The following PTPRD variants were observed in gnomAD, a reference collection of about 807,000 sequenced individuals.
The protein encoded by PTPRD is protein tyrosine phosphatase receptor type D.
In PTPRD, 34 loss-of-function variants were observed where a neutral mutation model predicts 214.5. The ratio of observed to expected loss-of-function variants is 0.16; its 90% CI spans 0.12 to 0.21. The LOEUF (loss-of-function observed/expected upper bound fraction) is 0.21. PTPRD is among the 10% of genes least tolerant of loss of function. The pLI, the probability that PTPRD is intolerant of heterozygous loss-of-function variation, is 1.00. For synonymous variants in PTPRD, 1,128 were observed against 845.7 expected (o/e 1.33, Z -5.79); for missense variants, 2,545 against 2,398.7 (o/e 1.06, Z -1.27).
intron 8 of PTPRD, among the ~76,000 whole-genome samples, chr9:9,504,380 G>T (rs922257886): frequency 6.6e-6 from 1 of 151,532 alleles, no homozygotes; most frequent in Non-Finnish European, 1.5e-5. Context: ...AATTCTTATG[G>T]CTTATGATGA....
At chr9:9,029,940 G>A (rs2099599204) in intron 10 of PTPRD, among the ~76,000 whole-genome samples, 1 of 151,968 alleles carries the variant, frequency 6.6e-6, no homozygotes, top group African/African-American at 2.4e-5. Context: ...GATTTCAGGT[G>A]GTGACTCAAT....
intron 22 of PTPRD, among the ~76,000 whole-genome samples, chr9:8,505,994 T>C (rs1323069612): frequency 2.0e-5 from 3 of 152,232 alleles, no homozygotes; most frequent in African/African-American, 4.8e-5. Context: ...ATTTCAACTA[T>C]ATAACTTTTT....
intron 9 of PTPRD, among the ~76,000 whole-genome samples, chr9:9,205,251 T>G (rs544331214): frequency 6.6e-6 from 1 of 152,314 alleles, no homozygotes; most frequent in South Asian, 2.1e-4. Context: ...GTTGAAACAT[T>G]AAGTAAACAC....
intron 2 of PTPRD, among the ~76,000 whole-genome samples, chr9:10,431,936 T>C (rs2098683347): frequency 6.6e-6 from 1 of 152,026 alleles, no homozygotes; most frequent in Non-Finnish European, 1.5e-5. Flanking sequence ...CATTACTGGG[T>C]ATATACCCAA....
intron 3 of PTPRD, among the ~76,000 whole-genome samples, chr9:10,246,185 A>G (rs185965916): frequency 1.4e-3 from 215 of 152,256 alleles, no homozygotes; most frequent in Non-Finnish European, 2.6e-3. Context: ...TTAAGTTTTT[A>G]AAGTATGAGT....
At chr9:9,720,060 C>T (rs1002584080) in intron 7 of PTPRD, among the ~76,000 whole-genome samples, 1 of 152,140 alleles carries the variant, frequency 6.6e-6, no homozygotes, top group African/African-American at 2.4e-5. Flanking sequence ...TCAAAGACTG[C>T]AAGGCTGAGT....
intron 3 of PTPRD, among the ~76,000 whole-genome samples, chr9:10,112,869 T>C (rs576143804): frequency 2.0e-5 from 3 of 152,348 alleles, no homozygotes; most frequent in East Asian, 1.9e-4. Flanking sequence ...CCTACCTATA[T>C]GTGACTAGTA....
intron 2 of PTPRD, among the ~76,000 whole-genome samples, chr9:10,505,382 G>C (rs1276486221): frequency 2.0e-5 from 3 of 152,078 alleles, no homozygotes; most frequent in Admixed American, 6.6e-5. Flanking sequence ...ATAAAACAAG[G>C]GTTCCTGTTT....
intron 9 of PTPRD, among the ~76,000 whole-genome samples, chr9:9,363,111 C>CTTTTTTTTTTTTTTTTTTT (rs3048061): frequency 7.7e-6 from 1 of 129,862 alleles, no homozygotes; most frequent in African/African-American, 2.8e-5. Flanking sequence ...CTATTTTGTG[C>CTTTTTTTTTTTTTTTTTTT]TTTTTTTTTT....
chr9:9,136,549 G>T (rs903104239), intron 10 of PTPRD, among the ~76,000 whole-genome samples: 2 of 152,036 alleles, frequency 1.3e-5, no homozygotes, highest in East Asian at 3.9e-4. Context: ...AGAAAGACTA[G>T]CAAGTGAAAT....
At chr9:8,464,729 ACATT>A (rs1217119947) in intron 32 of PTPRD, among the ~76,000 whole-genome samples, 1 of 151,220 alleles carries the variant, frequency 6.6e-6, no homozygotes, top group Non-Finnish European at 1.5e-5. Flanking sequence ...TTTTTTTTAA[ACATT>A]CAAAGTAACT....
chr9:8,928,153 G>C (rs1279118507), intron 11 of PTPRD, among the ~76,000 whole-genome samples: 1 of 152,106 alleles, frequency 6.6e-6, no homozygotes, highest in African/African-American at 2.4e-5. Flanking sequence ...TCTGTAGGTT[G>C]ACTGTTTACT....
intron 4 of PTPRD, among the ~76,000 whole-genome samples, chr9:9,952,875 C>T (rs1189566668): frequency 6.6e-6 from 1 of 152,074 alleles, no homozygotes; most frequent in Non-Finnish European, 1.5e-5. Context: ...TATCTGGCTG[C>T]TATTTCCCTT....
In PTPRD at chr9:10,475,994, A is replaced by G. The variant is rs183926964; in HGVS notation, c.-599-134977T>C. ...GATAGAAGATATCTCAAAATAATAAAATCTATTTATAACAAGCCCATAGCC... is the reference window on the plus strand; with the variant it reads ...GATAGAAGATATCTCAAAATAATAAGATCTATTTATAACAAGCCCATAGCC... On this transcript the variant is annotated intron_variant, in intron 2 of 45. Transcript: ENST00000381196. Among the ~76,000 whole-genome samples the G allele has an allele frequency of 4.6e-3, 692 of 152,088 alleles. 8 individuals carry two copies. Among genetic ancestry groups the G allele is most frequent in the African/African-American group, 0.016 (661 of 41,504 alleles).
intron 9 of PTPRD, among the ~76,000 whole-genome samples, chr9:9,272,474 A>T (rs1203775608): frequency 6.6e-6 from 1 of 151,224 alleles, no homozygotes; most frequent in African/African-American, 2.4e-5. Flanking sequence ...TTAATCACAC[A>T]TCCCCCGATC....
chr9:10,024,752 G>C (rs991061029), intron 4 of PTPRD, among the ~76,000 whole-genome samples: 1 of 148,230 alleles, frequency 6.7e-6, no homozygotes, highest in Non-Finnish European at 1.5e-5. Context: ...TTAGCATTAG[G>C]TATATCTCCT....
intron 9 of PTPRD, among the ~76,000 whole-genome samples, chr9:9,293,577 G>T (rs1266149502): frequency 6.6e-6 from 1 of 151,384 alleles, no homozygotes; most frequent in South Asian, 2.1e-4. Context: ...CATTGCTACT[G>T]GTGGTTGGTT....
intron 2 of PTPRD, among the ~76,000 whole-genome samples, chr9:10,355,162 CA>C (rs1388234112): frequency 2.0e-5 from 3 of 151,976 alleles, no homozygotes; most frequent in Non-Finnish European, 2.9e-5. Context: ...ACATTTACTT[CA>C]AAGTTTTTTT....
At chr9:9,180,721 T>C (rs1204920412) in intron 10 of PTPRD, among the ~76,000 whole-genome samples, 1 of 152,108 alleles carries the variant, frequency 6.6e-6, no homozygotes, top group Non-Finnish European at 1.5e-5. Context: ...CTGAAACAAC[T>C]AGCTCACTAG....
Sources: gnomAD v4.1 joint callset for allele counts (sites outside exome capture counted in the v4.1 genomes callset) on GRCh38, gnomAD v4.1.1 for gene constraint, MANE v1.5 for transcripts, NCBI Gene and HGNC (gene_info 2026-07-23, HGNC 2026-07-21) for gene names.